The following FMN1 variants were observed in gnomAD, a reference collection of about 807,000 sequenced individuals.
The protein encoded by FMN1 is formin-1.
Under a neutral mutation model 132.4 loss-of-function variants are expected in FMN1, and 110 were observed. The ratio of observed to expected loss-of-function variants is 0.83; its 90% CI spans 0.71 to 0.97. FMN1 has a LOEUF of 0.97. Ranked by LOEUF, FMN1 falls within the 50% of genes least tolerant of loss-of-function variation. The pLI is 0.00. For synonymous variants in FMN1, 722 were observed against 651.7 expected (o/e 1.11, Z -1.64); for missense variants, 1,792 against 1,705.3 (o/e 1.05, Z -0.90).
At chr15:32,995,151 AT>A (rs2033690205) in intron 7 of FMN1, among the ~76,000 whole-genome samples, 1 of 152,138 alleles carries the variant, frequency 6.6e-6, no homozygotes. Flanking sequence ...AATACTTCAA[AT>A]TATGTTTATT....
rs1161221849 is a variant in FMN1, at chr15:32,770,690, G to A, written c.*3620C>T. 1 of 152,130 alleles carries A rather than the reference G, an allele frequency of 6.6e-6. No homozygotes were observed. Among genetic ancestry groups the A allele is most frequent in the Non-Finnish European group, 1.5e-5 (1 of 68,032 alleles). The allele number at this position is 152,130 out of a possible 1,614,324, so 9.4% of individuals were successfully genotyped here. A position where few individuals can be genotyped will look rare whatever the true frequency, so the allele number is the denominator to read the frequency against. On this transcript the variant is annotated 3_prime_UTR_variant, in exon 21 of 21. Coordinates refer to ENST00000616417, the MANE Select transcript of FMN1 (RefSeq NM_001277313.2). Reference sequence around the variant, plus strand: ...TGAGAAGAGGTTTGCAGCTTCTACTGTCCTTGATAGGGGAGGGGAGGGGAG... The same window carrying A: ...TGAGAAGAGGTTTGCAGCTTCTACTATCCTTGATAGGGGAGGGGAGGGGAG...
intron 7 of FMN1, among the ~76,000 whole-genome samples, chr15:32,972,506 A>G (rs933668445): frequency 2.6e-5 from 4 of 152,140 alleles, no homozygotes; most frequent in African/African-American, 9.7e-5. Flanking sequence ...AGCACTTTTC[A>G]GTGATTTTGA....
chr15:32,895,114 G>T (rs760316778), intron 15 of FMN1, among the ~76,000 whole-genome samples: 1 of 152,000 alleles, frequency 6.6e-6, no homozygotes, highest in Non-Finnish European at 1.5e-5. Context: ...TAAATCCTTA[G>T]TTGTTTTCTT....
intron 5 of FMN1, among the ~76,000 whole-genome samples, chr15:33,072,809 TCTACTTGGGAGG>T (rs1405118059): frequency 6.6e-6 from 1 of 151,460 alleles, no homozygotes; most frequent in African/African-American, 2.4e-5. Context: ...TGTAATCCCA[TCTACTTGGGAGG>T]CTGAGGGAGG....
intron 16 of FMN1, among the ~76,000 whole-genome samples, chr15:32,885,129 A>G (rs2059864833): frequency 6.6e-6 from 1 of 152,204 alleles, no homozygotes; most frequent in Non-Finnish European, 1.5e-5. Context: ...TCTGAACTCA[A>G]AGCCTGATCT....
intron 19 of FMN1, among the ~76,000 whole-genome samples, chr15:32,777,222 T>G (rs1393490037): frequency 6.6e-6 from 1 of 152,070 alleles, no homozygotes; most frequent in Non-Finnish European, 1.5e-5. Flanking sequence ...CATTATTTAC[T>G]TCAGTGTTAT....
chr15:33,037,415 T>G (rs545062237), intron 6 of FMN1, among the ~76,000 whole-genome samples: 72 of 152,252 alleles, frequency 4.7e-4, no homozygotes, highest in African/African-American at 1.6e-3. Flanking sequence ...AGAGCCTGTA[T>G]AGACTGGGGC....
intron 15 of FMN1, among the ~76,000 whole-genome samples, chr15:32,897,487 T>C (rs955966991): frequency 6.6e-6 from 1 of 152,180 alleles, no homozygotes; most frequent in Admixed American, 6.5e-5. Context: ...ACAAAGATAC[T>C]TTCAGTGAGG....
intron 4 of FMN1, among the ~76,000 whole-genome samples, chr15:33,131,867 A>G (rs1211710030): frequency 6.6e-6 from 1 of 152,214 alleles, no homozygotes; most frequent in Non-Finnish European, 1.5e-5. Context: ...TAGATGTGAT[A>G]AAAGCATTTT....
At position 33,120,754 on chromosome 15, in the gene FMN1, A is replaced by G. The variant is rs143325711; in HGVS notation, c.1868-31780T>C. ...TATAAGATATGGAAAAATTTATTCT[A>G]CCTATTACCCTTTTACTGCACATTT... On this transcript the variant is annotated intron_variant, in intron 4 of 20. Transcript: ENST00000616417. Among the ~76,000 whole-genome samples, 178 of 152,158 alleles carry G rather than the reference A, an allele frequency of 1.2e-3. 1 individual carries two copies. Among genetic ancestry groups the G allele is most frequent in the African/African-American group, 4.1e-3 (169 of 41,516 alleles).
At chr15:32,973,000 T>C (rs1171069475) in intron 7 of FMN1, among the ~76,000 whole-genome samples, 1 of 152,178 alleles carries the variant, frequency 6.6e-6, no homozygotes, top group Non-Finnish European at 1.5e-5. Context: ...CTCAACATGC[T>C]ATTTGTCAAG....
rs1421212211 is a variant in FMN1, at chr15:32,937,610, A to G, written c.3139-11349T>C. ...GAGGCAAATGCTATGTCATCCATGG[A>G]TAGAGAGAGAAGACAAAAGTGGCTG... On this transcript the variant is annotated intron_variant, in intron 9 of 20. Transcript: ENST00000616417. Among the ~76,000 whole-genome samples, 8 of 152,142 alleles carry G rather than the reference A, an allele frequency of 5.3e-5. No individual in the cohort carries two copies. The East Asian group carries it at 5.8e-4, about 11-fold the overall frequency.
intron 5 of FMN1, chr15:33,066,360 A>G: frequency 3.0e-6 from 2 of 677,460 alleles, no homozygotes; most frequent in Non-Finnish European, 4.7e-6. Context: ...TTAACTCCAT[A>G]CTCCTTACAG....
chr15:33,032,930 A>AG (rs1369888279), intron 6 of FMN1, among the ~76,000 whole-genome samples: 7 of 152,188 alleles, frequency 4.6e-5, no homozygotes, highest in East Asian at 1.9e-4. Flanking sequence ...TGTGAGGTTT[A>AG]GAGTTATTAA....
chr15:32,883,289 G>A (rs1168279273), intron 16 of FMN1, among the ~76,000 whole-genome samples: 1 of 152,018 alleles, frequency 6.6e-6, no homozygotes, highest in Admixed American at 6.6e-5. Context: ...GATCGCTTGA[G>A]CCCAGGAAAT....
intron 15 of FMN1, among the ~76,000 whole-genome samples, chr15:32,893,274 A>G (rs1046506684): frequency 6.6e-6 from 1 of 152,244 alleles, no homozygotes; most frequent in Non-Finnish European, 1.5e-5. Flanking sequence ...GATCCTCACT[A>G]CAAAGCTCCA....
At chr15:32,941,303 A>G (rs557386946) in intron 9 of FMN1, among the ~76,000 whole-genome samples, 9 of 152,234 alleles carry the variant, frequency 5.9e-5, no homozygotes, top group African/African-American at 2.2e-4. Context: ...ATCCAATGTT[A>G]CTCTGGTTGA....
At chr15:32,982,558 A>G (rs1169282665) in intron 7 of FMN1, among the ~76,000 whole-genome samples, 1 of 152,156 alleles carries the variant, frequency 6.6e-6, no homozygotes, top group South Asian at 2.1e-4. Context: ...TATTTGGCCA[A>G]ACATTATTCT....
In FMN1 at chr15:32,926,195, C is replaced by T; in HGVS notation, c.3205G>A (p.Glu1069Lys). 6.4e-7 allele frequency: 1 copy of T among 1,552,592 alleles called. No individual in the cohort carries two copies. The highest frequency in any genetic ancestry group is 8.7e-7 in the Non-Finnish European group (1 of 1,143,590). The change falls in exon 10 of 21, where the codon GAA becomes AAA. Residue 1069 changes from glutamate (E) to lysine (K), a missense_variant. Coordinates refer to ENST00000616417, the MANE Select transcript of FMN1 (RefSeq NM_001277313.2). Reference sequence around the variant, plus strand: ...TTACCCTGTTGGATATCCTTCATTTCTAAATGTAAACTAGATATCAAGATT... The same window carrying T: ...TTACCCTGTTGGATATCCTTCATTTTTAAATGTAAACTAGATATCAAGATT... ...VGILISSLHL[E>K]MKDIQQAIFN...
Sources: allele counts gnomAD v4.1 joint callset (sites outside exome capture counted in the v4.1 genomes callset), GRCh38; gene constraint gnomAD v4.1.1; transcripts MANE v1.5; gene names NCBI Gene and HGNC (gene_info 2026-07-23, HGNC 2026-07-21).